Variants in ZNF18 observed in about 807,000 individuals in gnomAD.
The protein encoded by ZNF18 is zinc finger protein 18.
A neutral mutation model predicts 58.1 loss-of-function variants in ZNF18; 42 were observed. The observed-to-expected ratio is 0.72, with a 90% CI of 0.56 to 0.93. The LOEUF is 0.93. ZNF18 is among the 40% of genes least tolerant of loss of function. The pLI is 0.00. For synonymous variants in ZNF18, 231 were observed against 239.8 expected, an observed-to-expected ratio of 0.96 and a Z score of 0.34; for missense variants, 540 against 644.2, an observed-to-expected ratio of 0.84 and a Z score of 1.75.
chr17:12,017,071 G>A, the ZNF18 span, among the ~76,000 whole-genome samples: 7 of 151,640 alleles, frequency 4.6e-5, no homozygotes, highest in African/African-American at 1.5e-4. Context: ...GGTGATGTGC[G>A]CCTGTAGTGC....
At chr17:12,004,232 CAAA>C in the ZNF18 span, among the ~76,000 whole-genome samples, 1 of 127,948 alleles carries the variant, frequency 7.8e-6, no homozygotes, top group Non-Finnish European at 1.7e-5. Context: ...CTCTGTGTCT[CAAA>C]AAAAAAAAAA....
Position 11,990,544 on chromosome 17 carries a change from G to A in ZNF18, c.584C>T (p.Ala195Val). The change falls in exon 4 of 7, where the codon GCT becomes GTT. Residue 195 changes from alanine (A) to valine (V), a missense_variant. Physicochemically the swap from Ala to Val is moderately conservative, Grantham distance 64. Coordinates refer to ENST00000580306, the MANE Select transcript of ZNF18 (RefSeq NM_001303281.2). ...ESDTEAELAL[A>V]ASQPARLEER... is the part of the protein sequence containing the mutation. ...CTCCAGTCGGGCAGGCTGGGAGGCA[G>A]CCAGGGCTGAAGTGAGGAGAGGAAG... is the stretch of plus-strand genomic sequence containing the variant. The A allele has an allele frequency of 6.2e-7, 1 of 1,609,724 alleles. No individual in the cohort carries two copies. The highest frequency in any genetic ancestry group is 8.5e-7 in the Non-Finnish European group (1 of 1,178,692).
chr17:12,005,037 A>G, the ZNF18 span, among the ~76,000 whole-genome samples: 1,346 of 151,108 alleles, frequency 8.9e-3, 20 homozygotes, highest in African/African-American at 0.031. Flanking sequence ...TTATACACAC[A>G]CTAAGTTTAA....
At chr17:12,014,999 G>C in the ZNF18 span, among the ~76,000 whole-genome samples, 1 of 152,118 alleles carries the variant, frequency 6.6e-6, no homozygotes, top group East Asian at 1.9e-4. Flanking sequence ...AGTGAGCCGA[G>C]ATCAAGCCGC....
chr17:12,019,114 C>T, the ZNF18 span, among the ~76,000 whole-genome samples: 9 of 151,798 alleles, frequency 5.9e-5, no homozygotes, highest in African/African-American at 1.9e-4. Context: ...GCCACCACAC[C>T]GGCTAATTTT....
At chr17:11,992,217 C>T (rs935143385) in intron 2 of ZNF18, among the ~76,000 whole-genome samples, 2 of 152,154 alleles carry the variant, frequency 1.3e-5, no homozygotes, top group African/African-American at 2.4e-5. Context: ...TGACTGGCAT[C>T]TGAGAACAGG....
At chr17:11,990,031 C>T (rs1197900933) in intron 4 of ZNF18, among the ~76,000 whole-genome samples, 1 of 151,852 alleles carries the variant, frequency 6.6e-6, no homozygotes, top group Non-Finnish European at 1.5e-5. Context: ...TTTCCCAAGT[C>T]CTTAAAGGAG....
intron 4 of ZNF18, among the ~76,000 whole-genome samples, chr17:11,985,044 A>G (rs1472839236): frequency 1.3e-5 from 2 of 152,194 alleles, no homozygotes; most frequent in Non-Finnish European, 2.9e-5. Flanking sequence ...ATATTCAGAG[A>G]AGAGAGAGAT....
upstream of ZNF18, among the ~76,000 whole-genome samples, chr17:11,998,804 T>C (rs1015188700): frequency 2.7e-5 from 4 of 150,624 alleles, no homozygotes; most frequent in African/African-American, 4.9e-5. Context: ...CAGCCTGACA[T>C]AGGTGGAAGT....
At chr17:12,000,451 G>A (rs1007122102), upstream of ZNF18, among the ~76,000 whole-genome samples, 8 of 152,186 alleles carry the variant, frequency 5.3e-5, no homozygotes, top group African/African-American at 9.7e-5. Context: ...GTTCACGCCT[G>A]TAATCCTAGC....
chr17:12,021,424 G>A, the ZNF18 span: 14 of 152,046 alleles, frequency 9.2e-5, no homozygotes, highest in Admixed American at 6.6e-5. Context: ...ACGCCGCTCA[G>A]GTAGGCGGCG....
chr17:12,014,571 A>T, the ZNF18 span, among the ~76,000 whole-genome samples: 1 of 152,250 alleles, frequency 6.6e-6, no homozygotes, highest in African/African-American at 2.4e-5. Flanking sequence ...TTCCATTTGT[A>T]TGAAATGTCC....
rs1007814420 is a variant in ZNF18, at chr17:11,977,873, T to TA, written c.*83dup. ...AAGGAGATTAACAGGGGTATCCTCTTAGACACAATTCCTCTTGATGGAGCT... is the reference window on the plus strand; with the variant it reads ...AAGGAGATTAACAGGGGTATCCTCTTAAGACACAATTCCTCTTGATGGAGCT... On this transcript the variant is annotated 3_prime_UTR_variant, in exon 7 of 7. Coordinates refer to ENST00000580306, the MANE Select transcript of ZNF18 (RefSeq NM_001303281.2). The TA allele has an allele frequency of 1.1e-5, 16 of 1,466,770 alleles. No individual in the cohort carries two copies. Among genetic ancestry groups the TA allele is most frequent in the Non-Finnish European group, 1.5e-5 (16 of 1,089,918 alleles). The allele number at this position is 1,466,770 out of a possible 1,614,324, so 90.9% of individuals were successfully genotyped here. A position where few individuals can be genotyped will look rare whatever the true frequency, so the allele number is the denominator to read the frequency against.
At chr17:11,990,421 G>A (rs1237714032) in intron 4 of ZNF18, 41 bp downstream of exon 4, 1 of 1,558,690 alleles carries the variant, frequency 6.4e-7, no homozygotes, top group East Asian at 2.3e-5. Context: ...ATTATAAAAG[G>A]TAAAAAGTTT....
chr17:11,993,819 G>A (rs1968290686), intron 1 of ZNF18, among the ~76,000 whole-genome samples: 1 of 11,564 alleles, frequency 8.6e-5, no homozygotes, highest in South Asian at 6.3e-3. Context: ...GAGAGACTCC[G>A]TCTCACAAAA....
chr17:12,012,778 T>C, the ZNF18 span, among the ~76,000 whole-genome samples: 19 of 152,272 alleles, frequency 1.2e-4, no homozygotes, highest in South Asian at 3.7e-3. Context: ...TGGGCTCAAG[T>C]GATCCTCCTG....
At chr17:11,986,874 C>T (rs940889202) in intron 4 of ZNF18, among the ~76,000 whole-genome samples, 3 of 152,110 alleles carry the variant, frequency 2.0e-5, no homozygotes, top group African/African-American at 7.2e-5. Context: ...ATACAGCCAC[C>T]AAAACCCCCA....
At chr17:11,982,901 G>A (rs1026025317) in intron 6 of ZNF18, among the ~76,000 whole-genome samples, 1 of 152,004 alleles carries the variant, frequency 6.6e-6, no homozygotes, top group Non-Finnish European at 1.5e-5. Flanking sequence ...TTTTCTGTTT[G>A]TTTTATGTCT....
the ZNF18 span, among the ~76,000 whole-genome samples, chr17:12,016,366 G>T: frequency 4.0e-5 from 6 of 151,456 alleles, no homozygotes; most frequent in African/African-American, 1.5e-4. Context: ...ATCTCCCTTT[G>T]TCTCCCAGGC....
Sources: allele counts gnomAD v4.1 joint callset (sites outside exome capture counted in the v4.1 genomes callset), GRCh38; gene constraint gnomAD v4.1.1; transcripts MANE v1.5; gene names NCBI Gene and HGNC (gene_info 2026-07-23, HGNC 2026-07-21).